Variants in PDS5B observed in about 807,000 individuals in gnomAD.
PDS5B encodes the protein PDS5 cohesin associated factor B.
A neutral mutation model predicts 184.1 loss-of-function variants in PDS5B; 51 were observed. The ratio of observed to expected loss-of-function variants is 0.28; its 90% CI spans 0.22 to 0.35. The LOEUF (loss-of-function observed/expected upper bound fraction) is 0.35, where lower values mean the gene tolerates loss of function less well. PDS5B is among the 10% of genes least tolerant of loss of function. The pLI, the probability that PDS5B is intolerant of heterozygous loss-of-function variation, is 1.00. For missense variants in PDS5B, 1,180 were observed against 1,723.3 expected (o/e 0.68, Z 5.58); for synonymous variants, 566 against 569.2 (o/e 0.99, Z 0.08).
chr13:32,775,118 A>G lies in PDS5B; in HGVS notation c.*66A>G. 2 of 353,872 alleles carry G rather than the reference A, an allele frequency of 5.7e-6. No homozygotes were observed. Among genetic ancestry groups the G allele is most frequent in the South Asian group, 3.8e-5 (1 of 26,550 alleles). 21.9% of individuals were successfully genotyped at this position (353,872 alleles called of 1,614,324 possible). A position where few individuals can be genotyped will look rare whatever the true frequency, so the allele number is the denominator to read the frequency against. ...AAATCTTTTTTTTTTTTTTTGGTCA[A>G]GCTTGAGGCTGAATAAAGCCTTTGA... On this transcript the variant is annotated 3_prime_UTR_variant, in exon 35 of 35. Transcript: ENST00000315596.
chr13:32,613,205 G>A (rs1210538363), intron 1 of PDS5B, among the ~76,000 whole-genome samples: 3 of 152,128 alleles, frequency 2.0e-5, no homozygotes, highest in Non-Finnish European at 4.4e-5. Context: ...GAAGATTTGT[G>A]TACAAGTTTA....
chr13:32,694,528 G>A (rs1187278015), intron 14 of PDS5B, among the ~76,000 whole-genome samples: 1 of 151,846 alleles, frequency 6.6e-6, no homozygotes, highest in Admixed American at 6.6e-5. Context: ...TACAGAGAGT[G>A]TGGGTCTGTG....
At chr13:32,629,074 A>G (rs931323117) in intron 1 of PDS5B, among the ~76,000 whole-genome samples, 2 of 152,138 alleles carry the variant, frequency 1.3e-5, no homozygotes, top group Admixed American at 6.5e-5. Context: ...CCGGTTTTCA[A>G]ATTTTTCTCT....
chr13:32,757,519 A>G (rs1954226326), intron 26 of PDS5B, among the ~76,000 whole-genome samples: 1 of 151,720 alleles, frequency 6.6e-6, no homozygotes, highest in African/African-American at 2.4e-5. Context: ...TTTGTATTGA[A>G]TAGAGTTTTA....
chr13:32,718,356 T>G (rs1952553783), intron 19 of PDS5B, among the ~76,000 whole-genome samples: 1 of 152,176 alleles, frequency 6.6e-6, no homozygotes, highest in Non-Finnish European at 1.5e-5. Context: ...TTCGCTGTGT[T>G]AGCCAGGATG....
At chr13:32,697,002 T>C (rs1052754824) in intron 15 of PDS5B, 100 bp downstream of exon 15, 11 of 671,178 alleles carry the variant, frequency 1.6e-5, no homozygotes, top group Admixed American at 1.2e-4. Flanking sequence ...TATGATAATA[T>C]AGGAATTTTA....
chr13:32,754,455 A>G (rs972501416), intron 25 of PDS5B, among the ~76,000 whole-genome samples: 2 of 152,094 alleles, frequency 1.3e-5, no homozygotes, highest in African/African-American at 2.4e-5. Context: ...TCTGTTGTCA[A>G]CTCTATCTGG....
At chr13:32,750,875 G>GTGTC (rs1555316547) in intron 24 of PDS5B, among the ~76,000 whole-genome samples, 1 of 151,004 alleles carries the variant, frequency 6.6e-6, no homozygotes, top group African/African-American at 2.5e-5. Flanking sequence ...GTGTGTGTGT[G>GTGTC]TGTGTGTGTG....
intron 6 of PDS5B, among the ~76,000 whole-genome samples, chr13:32,664,975 GAAT>G (rs1950746332): frequency 6.6e-6 from 1 of 152,134 alleles, no homozygotes; most frequent in African/African-American, 2.4e-5. Context: ...TTTTGAAGAA[GAAT>G]AAGAAAACAG....
chr13:32,731,325 C>T (rs575634491), intron 19 of PDS5B, among the ~76,000 whole-genome samples: 21 of 152,166 alleles, frequency 1.4e-4, no homozygotes, highest in African/African-American at 4.6e-4. Context: ...ATTCGGTATT[C>T]GTTTTAAATG....
At chr13:32,701,969 A>G (rs768568668) in intron 17 of PDS5B, among the ~76,000 whole-genome samples, 3 of 152,002 alleles carry the variant, frequency 2.0e-5, no homozygotes, top group Non-Finnish European at 2.9e-5. Context: ...ATTTCTTTTT[A>G]TCTCTGCATT....
At chr13:32,587,956 G>A (rs1278585928) in intron 1 of PDS5B, among the ~76,000 whole-genome samples, 2 of 152,146 alleles carry the variant, frequency 1.3e-5, no homozygotes, top group African/African-American at 4.8e-5. Flanking sequence ...TACAGGAGGC[G>A]AGCTGTAAAT....
intron 9 of PDS5B, 107 bp downstream of exon 9, chr13:32,676,066 G>A (rs1951055804): frequency 1.7e-6 from 1 of 605,714 alleles, no homozygotes; most frequent in African/African-American, 1.8e-5. Context: ...TCATAAAAAT[G>A]AAGGATTTTT....
chr13:32,747,901 C>T (rs1953817358), intron 24 of PDS5B, among the ~76,000 whole-genome samples: 1 of 152,142 alleles, frequency 6.6e-6, no homozygotes, highest in African/African-American at 2.4e-5. Flanking sequence ...AAGTATGTGC[C>T]AGCCATTAGG....
At chr13:32,606,861 A>G (rs374828557) in intron 1 of PDS5B, among the ~76,000 whole-genome samples, 1 of 152,314 alleles carries the variant, frequency 6.6e-6, no homozygotes, top group East Asian at 1.9e-4. Context: ...CAGATCGGCT[A>G]CTGAAGCTTG....
At chr13:32,735,423 T>C in intron 21 of PDS5B, 93 bp downstream of exon 21, 1 of 837,738 alleles carries the variant, frequency 1.2e-6, no homozygotes, top group Non-Finnish European at 1.8e-6. Flanking sequence ...TCAATAATAC[T>C]TCCATTTGAC....
At chr13:32,591,156 T>G (rs2057769229) in intron 1 of PDS5B, among the ~76,000 whole-genome samples, 1 of 151,868 alleles carries the variant, frequency 6.6e-6, no homozygotes, top group Non-Finnish European at 1.5e-5. Context: ...TGAGATGGAG[T>G]CTCGCTCCGT....
At chr13:32,690,207 A>T (rs1035468386) in intron 13 of PDS5B, 2 of 152,212 alleles carry the variant, frequency 1.3e-5, no homozygotes, top group Non-Finnish European at 2.9e-5. Flanking sequence ...ATATTTAGCC[A>T]GTACCATACA....
At chr13:32,758,508 G>GT (rs768062543) in intron 27 of PDS5B, 26 bp from the exon 28 acceptor site, 56 of 1,598,876 alleles carry the variant, frequency 3.5e-5, no homozygotes, top group Non-Finnish European at 4.4e-5. Flanking sequence ...TTAAGTATCT[G>GT]TGTTTTTAAA....
Sources: allele counts gnomAD v4.1 joint callset (sites outside exome capture counted in the v4.1 genomes callset), GRCh38; gene constraint gnomAD v4.1.1; transcripts MANE v1.5; gene names NCBI Gene and HGNC (gene_info 2026-07-23, HGNC 2026-07-21).